The following ZFTA variants were observed in gnomAD, a reference collection of about 807,000 sequenced individuals.
ZFTA encodes the protein zinc finger translocation associated.
A neutral mutation model predicts 41.8 loss-of-function variants in ZFTA; 35 were observed. The ratio of observed to expected loss-of-function variants is 0.84; its 90% CI spans 0.64 to 1.11. The LOEUF is 1.11. Among genes scored for constraint, ZFTA ranks in the 50% most tolerant of loss-of-function variants. ZFTA has a pLI of 0.00. For missense variants in ZFTA, 964 were observed against 989.8 expected (o/e 0.97, Z 0.35); for synonymous variants, 514 against 436.4 (o/e 1.18, Z -2.22).
At chr11:63,766,905 C>T (rs1019564010) in intron 1 of ZFTA, among the ~76,000 whole-genome samples, 1 of 152,242 alleles carries the variant, frequency 6.6e-6, no homozygotes, top group Non-Finnish European at 1.5e-5. Context: ...CAAGACAAAG[C>T]TGCCAACATC....
rs2014667706 is a variant in ZFTA, at chr11:63,762,827, G to C, written c.*591C>G. The C allele has an allele frequency of 1.3e-5, 2 of 152,178 alleles. No individual in the cohort carries two copies. The highest frequency in any genetic ancestry group is 1.3e-4 in the Admixed American group (2 of 15,308). The allele number at this position is 152,178 out of a possible 1,614,324, so 9.4% of individuals were successfully genotyped here. A position where few individuals can be genotyped will look rare whatever the true frequency, so the allele number is the denominator to read the frequency against. The stretch of plus-strand genomic sequence containing the variant: ...CGGTCCAACGCGCCTTCCCACCCCG[G>C]GAAGGCTCCCGAGCCCTGCGGCCCA... On this transcript the variant is annotated 3_prime_UTR_variant, in exon 5 of 5. Coordinates refer to ENST00000433688, the MANE Select transcript of ZFTA (RefSeq NM_001144936.2).
At position 63,764,409 on chromosome 11, in the gene ZFTA, G is replaced by A. The variant is rs1034848186; in HGVS notation, c.1214C>T (p.Pro405Leu). Residue 405 changes from proline to leucine, a missense_variant, in exon 4 of 5, where the codon CCG becomes CTG. Around this residue, in one of 5 missense-constraint regions of ZFTA, gnomAD observed 584 missense variants for 523.1 expected, o/e 1.12. Coordinates refer to ENST00000433688, the MANE Select transcript of ZFTA (RefSeq NM_001144936.2). ...EEGEGERAGVPGRSPRGRAHR... is the reference protein window; with the variant it reads ...EEGEGERAGVLGRSPRGRAHR... ...GGCGCGGCCCCGCGGCGACCGGCCCGGGACCCCCGCCCTCTCGCCCTCGCC... is the reference window on the plus strand; with the variant it reads ...GGCGCGGCCCCGCGGCGACCGGCCCAGGACCCCCGCCCTCTCGCCCTCGCC... 10 of 1,279,578 alleles carry A rather than the reference G, an allele frequency of 7.8e-6. No homozygotes were observed. The highest frequency in any genetic ancestry group is 6.2e-5 in the African/African-American group (4 of 64,384). The allele number at this position is 1,279,578 out of a possible 1,614,324, so 79.3% of individuals were successfully genotyped here.
intron 1 of ZFTA, among the ~76,000 whole-genome samples, chr11:63,766,627 G>A (rs370427255): frequency 2.0e-5 from 3 of 152,198 alleles, no homozygotes; most frequent in Admixed American, 1.3e-4. Context: ...AGAGCCGTAG[G>A]GAGAAAGCCA....
At chr11:63,767,576 AGAGCCGAAAAAGGGGGAG>A (rs2135098463) in intron 1 of ZFTA, 1 of 152,302 alleles carries the variant, frequency 6.6e-6, no homozygotes, top group East Asian at 1.9e-4. Flanking sequence ...TGGCCCTTTA[AGAGCCGAAAAAGGGGGAG>A]GAGCCGAGGT....
chr11:63,765,156 C>G lies in ZFTA; in HGVS notation c.736G>C (p.Gly246Arg). 1 of 1,546,134 alleles carries G rather than the reference C, an allele frequency of 6.5e-7. No individual in the cohort carries two copies. Among genetic ancestry groups the G allele is most frequent in the South Asian group, 1.2e-5 (1 of 83,788 alleles). ...CGGGCCCCCAGCCCCCTGCTGCCCC[C>G]GGCCCTCCGGGAGGCTGAGAGGCGC... ...RLRLSASRRA[G>R]GSRGLGARRL... The change falls in exon 3 of 5, where the codon GGG (glycine) becomes CGG (arginine). Residue 246 changes from glycine (G) to arginine (R), a missense_variant. Around this residue, in one of 5 missense-constraint regions of ZFTA, gnomAD observed 584 missense variants for 523.1 expected, o/e 1.12. Transcript: ENST00000433688. This position sits in a 1 kb window ranked among gnomAD's most constrained non-coding sequence, Gnocchi z 4.0.
In ZFTA at chr11:63,765,013, G is replaced by A. The variant is rs780970742; in HGVS notation, c.879C>T (p.Pro293=). The A allele has an allele frequency of 4.7e-5, 73 of 1,548,868 alleles. No homozygotes were observed. The Middle Eastern group carries it at 7.1e-4, about 15-fold the overall frequency. ...LVCMACGRAL[P]SLHLDDIRAH... is the part of the protein sequence containing the mutation. ...CACGGATGTCGTCCAGGTGCAGGCTGGGCAGTGCCCGGCCACAGGCCATGC... is the reference window on the plus strand; with the variant it reads ...CACGGATGTCGTCCAGGTGCAGGCTAGGCAGTGCCCGGCCACAGGCCATGC... Residue 293 remains proline (P), a synonymous_variant, in exon 3 of 5, where the codon CCC becomes CCT. Transcript: ENST00000433688. This position sits in a 1 kb window ranked among gnomAD's most constrained non-coding sequence, Gnocchi z 4.0.
At chr11:63,767,502 C>T (rs907659895) in intron 1 of ZFTA, 2 of 152,304 alleles carry the variant, frequency 1.3e-5, no homozygotes, top group African/African-American at 4.8e-5. Flanking sequence ...TGCAACGACA[C>T]TGGCTAGCTG....
rs1021514678 is a variant in ZFTA at position 63,765,655 on chromosome 11, C to A, written c.637+152G>T. ...CCCTCTCACCCCACTGTCCTTCCCC[C>A]ACCTTTGTATAATAAGGGCAATAAA... On this transcript the variant is annotated intron_variant, in intron 2 of 4. Coordinates refer to ENST00000433688, the MANE Select transcript of ZFTA (RefSeq NM_001144936.2). This position sits in a 1 kb window ranked among gnomAD's most constrained non-coding sequence, Gnocchi z 4.0. Among the ~76,000 whole-genome samples, 2 of 152,222 alleles carry A rather than the reference C, an allele frequency of 1.3e-5. No individual in the cohort carries two copies. Among genetic ancestry groups the A allele is most frequent in the Non-Finnish European group, 2.9e-5 (2 of 68,040 alleles).
rs1481473513 is a variant in ZFTA at position 63,760,751 on chromosome 11, T to C, written c.*2667A>G. 1 of 152,214 alleles carries C rather than the reference T, an allele frequency of 6.6e-6. No homozygotes were observed. The highest frequency in any genetic ancestry group is 2.4e-5 in the African/African-American group (1 of 41,440). The allele number at this position is 152,214 out of a possible 1,614,324, so 9.4% of individuals were successfully genotyped here. A position where few individuals can be genotyped will look rare whatever the true frequency, so the allele number is the denominator to read the frequency against. On this transcript the variant is annotated 3_prime_UTR_variant, in exon 5 of 5. Transcript: ENST00000433688. Reference sequence around the variant, plus strand: ...ACTGGTGCCCGGCACTTCAGCTGCATCAAGATCAATGGAGGGCTCATGAAA... The same window carrying C: ...ACTGGTGCCCGGCACTTCAGCTGCACCAAGATCAATGGAGGGCTCATGAAA...
At chr11:63,766,808 A>C (rs1481847763) in intron 1 of ZFTA, among the ~76,000 whole-genome samples, 1 of 152,176 alleles carries the variant, frequency 6.6e-6, no homozygotes, top group African/African-American at 2.4e-5. Flanking sequence ...GTAATGCTTC[A>C]AATATAGCTT....
intron 1 of ZFTA, among the ~76,000 whole-genome samples, chr11:63,768,237 G>T (rs545913096): frequency 1.3e-5 from 2 of 151,278 alleles, no homozygotes; most frequent in African/African-American, 2.4e-5. Flanking sequence ...AAGGCGGGGC[G>T]CTGCGGGCGG....
chr11:63,763,809 T>C lies in ZFTA; in HGVS notation c.1646A>G (p.Glu549Gly). ...TCCCCCAGGCTCCTGGCCGTCCTCT[T>C]CGTCCTCCTCTTCTTCGGCGGGCCG... is the stretch of plus-strand genomic sequence containing the variant. ...LERPAEEEED[E>G]EDGQEPGGLA... is the part of the protein sequence containing the mutation. Residue 549 changes from glutamate (E) to glycine (G), a missense_variant, in exon 5 of 5, where the codon GAA becomes GGA. By Grantham distance (98) the Glu-to-Gly change is moderately conservative. Coordinates refer to ENST00000433688, the MANE Select transcript of ZFTA (RefSeq NM_001144936.2). 1 of 1,447,246 alleles carries C rather than the reference T, an allele frequency of 6.9e-7. No individual in the cohort carries two copies. Among genetic ancestry groups the C allele is most frequent in the South Asian group, 1.5e-5 (1 of 66,506 alleles). 89.7% of individuals were successfully genotyped at this position (1,447,246 alleles called of 1,614,324 possible).
Position 63,764,083 on chromosome 11 carries a change from C to T in ZFTA, c.1540G>A (p.Gly514Arg), listed in dbSNP as rs893766550. 3.0e-6 allele frequency: 4 copies of T among 1,346,164 alleles called. No individual in the cohort carries two copies. In the African/African-American group the frequency reaches 6.2e-5, roughly 21 times the overall value. The allele number at this position is 1,346,164 out of a possible 1,614,324, so 83.4% of individuals were successfully genotyped here. Reference protein sequence around the residue: ...PGTAAASDEGGGDEEEEPEEE... With the variant: ...PGTAAASDEGRGDEEEEPEEE... ...TCTGGCTCCTCCTCCTCGTCCCCTCCCCCCTCGTCGGAGGCTGCGGCAGTG... is the reference window on the plus strand; with the variant it reads ...TCTGGCTCCTCCTCCTCGTCCCCTCTCCCCTCGTCGGAGGCTGCGGCAGTG... The change falls in exon 4 of 5, where the codon GGA (glycine) becomes AGA (arginine). Residue 514 changes from glycine (G) to arginine (R), a missense_variant. Gly to Arg is a moderately radical substitution (Grantham distance 125, BLOSUM62 -2). Coordinates refer to ENST00000433688, the MANE Select transcript of ZFTA (RefSeq NM_001144936.2).
chr11:63,763,351 G>T lies in ZFTA; in HGVS notation c.*67C>A. 8 of 1,116,924 alleles carry T rather than the reference G, an allele frequency of 7.2e-6. No individual in the cohort carries two copies. The highest frequency in any genetic ancestry group is 8.8e-6 in the Non-Finnish European group (8 of 904,788). The allele number at this position is 1,116,924 out of a possible 1,614,324, so 69.2% of individuals were successfully genotyped here. A position where few individuals can be genotyped will look rare whatever the true frequency, so the allele number is the denominator to read the frequency against. On this transcript the variant is annotated 3_prime_UTR_variant, in exon 5 of 5. Transcript: ENST00000433688. ...CGAGGGTCTCCCAGCCGAAGGGCCG[G>T]GCGAGCACAGGGCGGGGCGGGGCCG...
chr11:63,763,759 G>T lies in ZFTA; in HGVS notation c.1696C>A (p.Pro566Thr). The change falls in exon 5 of 5, where the codon CCC becomes ACC. Residue 566 changes from proline (P) to threonine (T), a missense_variant. Pro to Thr is a conservative substitution (Grantham distance 38). Around this residue, in one of 5 missense-constraint regions of ZFTA, gnomAD observed 584 missense variants for 523.1 expected, o/e 1.12. Coordinates refer to ENST00000433688, the MANE Select transcript of ZFTA (RefSeq NM_001144936.2). ...CTGCGGGGCGGGGGCGGAGGCGGGGGAGGAGGCGGCGGCGGCAAGGCGAGT... is the reference window on the plus strand; with the variant it reads ...CTGCGGGGCGGGGGCGGAGGCGGGGTAGGAGGCGGCGGCGGCAAGGCGAGT... Reference protein sequence around the residue: ...GGLALPPPPPPPPPPPPRSRE... With the variant: ...GGLALPPPPPTPPPPPPRSRE... 1 of 1,469,328 alleles carries T rather than the reference G, an allele frequency of 6.8e-7. No individual in the cohort carries two copies. Among genetic ancestry groups the T allele is most frequent in the Non-Finnish European group, 9.0e-7 (1 of 1,111,904 alleles). 91.0% of individuals were successfully genotyped at this position (1,469,328 alleles called of 1,614,324 possible). A position where few individuals can be genotyped will look rare whatever the true frequency, so the allele number is the denominator to read the frequency against.
In ZFTA at chr11:63,762,462, GAA is replaced by G. The variant is rs2014659298; in HGVS notation, c.*954_*955del. 1.3e-5 allele frequency: 2 copies of G among 152,240 alleles called. No homozygotes were observed. Among genetic ancestry groups the G allele is most frequent in the Admixed American group, 6.5e-5 (1 of 15,288 alleles). The allele number at this position is 152,240 out of a possible 1,614,324, so 9.4% of individuals were successfully genotyped here. ...ACACAGGGCCTGCGGCTGCCACGGG[GAA>G]AAGAGGCCGAGGCCCGGCCCCAGGC... On this transcript the variant is annotated 3_prime_UTR_variant, in exon 5 of 5. Coordinates refer to ENST00000433688, the MANE Select transcript of ZFTA (RefSeq NM_001144936.2).
chr11:63,763,542 GTCT>G lies in ZFTA; in HGVS notation c.1910_1912del (p.Gln637_Thr638delinsPro). ...CGCCTCCTCGTAGGCCTCCAGGATA[GTCT>G]GGCGCTCCTCAGGCGTGAAGTCCAT... On this transcript the variant is annotated inframe_deletion, in exon 5 of 5. Transcript: ENST00000433688. The G allele has an allele frequency of 6.5e-7, 1 of 1,547,076 alleles. No individual in the cohort carries two copies. The highest frequency in any genetic ancestry group is 8.7e-7 in the Non-Finnish European group (1 of 1,144,576).
rs996029167 is a variant in ZFTA at position 63,761,209 on chromosome 11, A to G, written c.*2209T>C. The G allele has an allele frequency of 5.9e-5, 9 of 152,336 alleles. No homozygotes were observed. Among genetic ancestry groups the G allele is most frequent in the African/African-American group, 1.9e-4 (8 of 41,572 alleles). The allele number at this position is 152,336 out of a possible 1,614,324, so 9.4% of individuals were successfully genotyped here. A position where few individuals can be genotyped will look rare whatever the true frequency, so the allele number is the denominator to read the frequency against. On this transcript the variant is annotated 3_prime_UTR_variant, in exon 5 of 5. Transcript: ENST00000433688. ...CTGTCTCAAAAACCGTGGAGGTTCA[A>G]ACTCACTGGGAATTTACTTTTCAGT...
rs1445656897 is a variant in ZFTA, at chr11:63,764,902, G to A, written c.990C>T (p.Pro330=). The change falls in exon 3 of 5, where the codon CCC becomes CCT. Residue 330 remains proline, a synonymous_variant. Transcript: ENST00000433688. ...SALLQAWGGQ[P]EALSELTQSP... ...ACTGGGTGAGCTCAGACAGCGCCTC[G>A]GGCTGGCCCCCCCAGGCCTGCAGCA... 5 of 1,529,598 alleles carry A rather than the reference G, an allele frequency of 3.3e-6. No homozygotes were observed. The highest frequency in any genetic ancestry group is 1.2e-5 in the South Asian group (1 of 81,992). 94.8% of individuals were successfully genotyped at this position (1,529,598 alleles called of 1,614,324 possible).
Sources: gnomAD v4.1 joint callset for allele counts (sites outside exome capture counted in the v4.1 genomes callset) on GRCh38, gnomAD v4.1.1 for gene constraint, gnomAD v4.1.1 regional missense constraint, Gnocchi (gnomAD v3.1) non-coding constraint, MANE v1.5 for transcripts, NCBI Gene and HGNC (gene_info 2026-07-23, HGNC 2026-07-21) for gene names.